The following AGGF1 variants were observed in gnomAD, a reference collection of about 807,000 sequenced individuals.
The protein encoded by AGGF1 is angiogenic factor with G patch and FHA domains 1.
In AGGF1, 56 loss-of-function variants were observed where a neutral mutation model predicts 86.5. The observed-to-expected ratio is 0.65, with a 90% CI of 0.52 to 0.81. The LOEUF (loss-of-function observed/expected upper bound fraction) is 0.81. AGGF1 is among the 30% of genes least tolerant of loss of function. The probability of loss-of-function intolerance (pLI) is 0.00; values close to 1 mark genes in which losing one functional copy is unlikely to be tolerated. For missense variants in AGGF1, 816 were observed against 850.9 expected (o/e 0.96, Z 0.51); for synonymous variants, 313 against 297.1 (o/e 1.05, Z -0.55).
At position 77,046,784 on chromosome 5, in the gene AGGF1, C is replaced by T. The variant is rs1390754190; in HGVS notation, c.1201+107C>T. 4.6e-6 allele frequency: 5 copies of T among 1,089,714 alleles called. No homozygotes were observed. In the East Asian group the frequency reaches 1.2e-4, roughly 27 times the overall value. The allele number at this position is 1,089,714 out of a possible 1,614,324, so 67.5% of individuals were successfully genotyped here. ...TGTAGTATATCTGCCAGAAAGTAAA[C>T]ATTATTTTAATGATGTTATTGAAAA... On this transcript the variant is annotated intron_variant, in intron 6 of 13. Coordinates refer to ENST00000312916, the MANE Select transcript of AGGF1 (RefSeq NM_018046.5).
chr5:77,052,588 T>G, intron 8 of AGGF1, 118 bp from the exon 9 acceptor site: 1 of 675,028 alleles, frequency 1.5e-6, no homozygotes, highest in Non-Finnish European at 2.5e-6. Context: ...AAAAAAGTAT[T>G]AAGTATAATA....
At position 77,054,067 on chromosome 5, in the gene AGGF1, G is replaced by T; in HGVS notation, c.1570G>T (p.Asp524Tyr). 5 of 1,614,146 alleles carry T rather than the reference G, an allele frequency of 3.1e-6. No individual in the cohort carries two copies. The change falls in exon 10 of 14, where the codon GAT becomes TAT. Residue 524 changes from aspartate to tyrosine, a missense_variant. Asp to Tyr is a radical substitution (Grantham distance 160, BLOSUM62 -3). Transcript: ENST00000312916. The stretch of plus-strand genomic sequence containing the variant: ...CATTCATCCTGGCAGTGATACCTGT[G>T]ATGGCTGTGAACCAGGGCAGGTTAG... ...FHIHPGSDTC[D>Y]GCEPGQVRAH... is the part of the protein sequence containing the mutation.
intron 6 of AGGF1, among the ~76,000 whole-genome samples, chr5:77,047,247 C>A (rs1747286377): frequency 6.6e-6 from 1 of 152,118 alleles, no homozygotes; most frequent in Admixed American, 6.5e-5. Context: ...CATGTACACA[C>A]TTTTTTTCTT....
rs1345195571 is a variant in AGGF1, at chr5:77,063,244, T to C, written c.2137T>C (p.Leu713=). 1 of 1,613,278 alleles carries C rather than the reference T, an allele frequency of 6.2e-7. No homozygotes were observed. ...GACCATGCCTTGGGTAAAAGGGACT[T>C]TAGAGTGAAGGCTAATCATAGAAAA... The part of the protein sequence containing the change: ...PGTMPWVKGT[L]E The change falls in exon 14 of 14, where the codon TTA becomes CTA. Residue 713 remains leucine, a synonymous_variant. Transcript: ENST00000312916.
At chr5:77,060,849 A>C (rs1283893199) in intron 12 of AGGF1, among the ~76,000 whole-genome samples, 4 of 152,192 alleles carry the variant, frequency 2.6e-5, no homozygotes, top group African/African-American at 4.8e-5. Flanking sequence ...TTAATGTTTA[A>C]AATATAATCT....
Position 77,063,113 on chromosome 5 carries a change from A to G in AGGF1, c.2006A>G (p.Glu669Gly), listed in dbSNP as rs1489010656. The change falls in exon 14 of 14, where the codon GAA becomes GGA. Residue 669 changes from glutamate to glycine, a missense_variant. Glu to Gly is a moderately conservative substitution (Grantham distance 98). This residue lies in a region of AGGF1 where 565 missense variants were observed against 585.8 expected (regional missense o/e 0.96). Coordinates refer to ENST00000312916, the MANE Select transcript of AGGF1 (RefSeq NM_018046.5). Reference protein sequence around the residue: ...GLGTGKPSSFEDVHLLQNKNK... With the variant: ...GLGTGKPSSFGDVHLLQNKNK... ...GGGACAGGCAAACCATCCTCATTTG[A>G]AGATGTTCACCTTCTCCAAAACAAG... The G allele has an allele frequency of 6.2e-7, 1 of 1,614,090 alleles. No individual in the cohort carries two copies.
intron 7 of AGGF1, 100 bp from the exon 8 acceptor site, chr5:77,048,836 G>C: frequency 9.1e-7 from 1 of 1,095,142 alleles, no homozygotes; most frequent in Non-Finnish European, 1.4e-6. Context: ...ACTGTTGATA[G>C]ACGTGTATTT....
At chr5:77,033,676 A>G (rs1325202903) in intron 1 of AGGF1, among the ~76,000 whole-genome samples, 2 of 152,210 alleles carry the variant, frequency 1.3e-5, no homozygotes, top group African/African-American at 4.8e-5. Flanking sequence ...AGCTTTATGT[A>G]TCATTAAATA....
Position 77,063,744 on chromosome 5 carries a change from T to C in AGGF1, c.*492T>C, listed in dbSNP as rs1415169794. Reference sequence around the variant, plus strand: ...GGGTAGTGGCGCATACATTTTGTTATCCTTGAAATAGCCTAAGTAATGTTA... The same window carrying C: ...GGGTAGTGGCGCATACATTTTGTTACCCTTGAAATAGCCTAAGTAATGTTA... On this transcript the variant is annotated 3_prime_UTR_variant, in exon 14 of 14. Coordinates refer to ENST00000312916, the MANE Select transcript of AGGF1 (RefSeq NM_018046.5). 4 of 163,638 alleles carry C rather than the reference T, an allele frequency of 2.4e-5. No individual in the cohort carries two copies. The highest frequency in any genetic ancestry group is 5.3e-5 in the Non-Finnish European group (4 of 74,826). The allele number at this position is 163,638 out of a possible 1,614,324, so 10.1% of individuals were successfully genotyped here.
At chr5:77,043,128 G>A (rs1747155076) in intron 5 of AGGF1, among the ~76,000 whole-genome samples, 3 of 57,028 alleles carry the variant, frequency 5.3e-5, no homozygotes, top group Non-Finnish European at 7.4e-5. Flanking sequence ...CTGGCCGGGC[G>A]GAGGGCTGAC....
Position 77,063,379 on chromosome 5 carries a change from A to ATGTG in AGGF1, c.*129_*132dup. The ATGTG allele has an allele frequency of 9.7e-7, 1 of 1,031,320 alleles. No homozygotes were observed. The highest frequency in any genetic ancestry group is 2.6e-5 in the East Asian group (1 of 38,480). 63.9% of individuals were successfully genotyped at this position (1,031,320 alleles called of 1,614,324 possible). A position where few individuals can be genotyped will look rare whatever the true frequency, so the allele number is the denominator to read the frequency against. On this transcript the variant is annotated 3_prime_UTR_variant, in exon 14 of 14. Transcript: ENST00000312916. ...CAGTTTACCTCTTCCTGATTCAGAA[A>ATGTG]TGTGTATGGTTTGCAGCTTTTAAAA...
chr5:77,061,882 T>G, intron 13 of AGGF1, 80 bp downstream of exon 13: 1 of 1,345,480 alleles, frequency 7.4e-7, no homozygotes, highest in East Asian at 2.3e-5. Flanking sequence ...AACGTTGCCT[T>G]AAGTGCTAAG....
chr5:77,051,215 C>T (rs887148927), intron 8 of AGGF1, among the ~76,000 whole-genome samples: 7 of 152,146 alleles, frequency 4.6e-5, no homozygotes, highest in East Asian at 1.9e-4. Context: ...AGGCAGATCA[C>T]GAGGTCAGAA....
chr5:77,030,791 C>CCGCGGT lies in AGGF1; in HGVS notation c.29_34dup (p.Arg10_Ser11dup). On this transcript the variant is annotated inframe_insertion, in exon 1 of 14. Transcript: ENST00000312916. ...CATGGCCTCGGAGGCGCCGTCCCCG[C>CCGCGGT]CGCGGTCGCCGCCGCCGCCCACCTC... is the stretch of plus-strand genomic sequence containing the variant. 1 of 1,590,774 alleles carries CCGCGGT rather than the reference C, an allele frequency of 6.3e-7. No homozygotes were observed.
chr5:77,035,804 T>C, intron 3 of AGGF1, 61 bp downstream of exon 3: 2 of 1,450,312 alleles, frequency 1.4e-6, no homozygotes, highest in Middle Eastern at 1.8e-4. Flanking sequence ...TTTGTTGTTA[T>C]TATGTGGAAA....
intron 10 of AGGF1, 43 bp from the exon 11 acceptor site, chr5:77,055,471 C>T (rs1487428134): frequency 7.7e-7 from 1 of 1,295,262 alleles, no homozygotes; most frequent in Non-Finnish European, 1.1e-6. Flanking sequence ...TGTACAAAAT[C>T]AGATTTAGTG....
rs1279020826 is a variant in AGGF1, at chr5:77,063,119, T to A, written c.2012T>A (p.Val671Asp). 1.9e-6 allele frequency: 3 copies of A among 1,613,842 alleles called. No individual in the cohort carries two copies. Among genetic ancestry groups the A allele is most frequent in the Non-Finnish European group, 2.5e-6 (3 of 1,179,998 alleles). Reference protein sequence around the residue: ...GTGKPSSFEDVHLLQNKNKKN... With the variant: ...GTGKPSSFEDDHLLQNKNKKN... ...GGCAAACCATCCTCATTTGAAGATG[T>A]TCACCTTCTCCAAAACAAGAACAAA... Residue 671 changes from valine to aspartate, a missense_variant, in exon 14 of 14, where the codon GTT (valine) becomes GAT (aspartate). This residue lies in a region of AGGF1 where 565 missense variants were observed against 585.8 expected (regional missense o/e 0.96). Coordinates refer to ENST00000312916, the MANE Select transcript of AGGF1 (RefSeq NM_018046.5).
chr5:77,034,465 TA>T lies in AGGF1; in HGVS notation c.263del (p.Lys88SerfsTer4), dbSNP rs749352687. 4.3e-6 allele frequency: 7 copies of T among 1,613,628 alleles called. No homozygotes were observed. The highest frequency in any genetic ancestry group is 5.9e-6 in the Non-Finnish European group (7 of 1,179,668). ...ILQRGRNEDN[K>X]KSDVEVQTEN... ...TCCAACGTGGGAGAAATGAAGATAA[TA>T]AAAAGTCTGATGTAGAAGTACAAAC... On this transcript the variant is annotated frameshift_variant, in exon 2 of 14. Coordinates refer to ENST00000312916, the MANE Select transcript of AGGF1 (RefSeq NM_018046.5). LOFTEE classifies it high-confidence loss of function.
chr5:77,036,747 G>A (rs1236709794), intron 4 of AGGF1, 27 bp downstream of exon 4: 4 of 1,610,476 alleles, frequency 2.5e-6, no homozygotes, highest in Admixed American at 3.3e-5. Flanking sequence ...TTTTTGTTTT[G>A]TTTTGTTTTT....
Sources: allele counts gnomAD v4.1 joint callset (sites outside exome capture counted in the v4.1 genomes callset), GRCh38; gene constraint gnomAD v4.1.1; regional missense constraint gnomAD v4.1.1; transcripts MANE v1.5; gene names NCBI Gene and HGNC (gene_info 2026-07-23, HGNC 2026-07-21).